The following FRMD6 variants were observed in gnomAD, a reference collection of about 807,000 sequenced individuals.
FRMD6 encodes FERM domain-containing protein 6.
Under a neutral mutation model 73.2 loss-of-function variants are expected in FRMD6, and 37 were observed. That is an observed-to-expected ratio of 0.51 (90% CI 0.39 to 0.66). The LOEUF (loss-of-function observed/expected upper bound fraction) is 0.66, where lower values mean the gene tolerates loss of function less well. FRMD6 is among the 30% of genes least tolerant of loss of function. FRMD6 has a pLI of 0.00. For synonymous variants in FRMD6, 273 were observed against 282.2 expected, an observed-to-expected ratio of 0.97 and a Z score of 0.33; for missense variants, 714 against 780.5, an observed-to-expected ratio of 0.91 and a Z score of 1.02.
chr14:51,578,361 TAAG>T (rs1346509103), intron 2 of FRMD6, among the ~76,000 whole-genome samples: 1 of 152,162 alleles, frequency 6.6e-6, no homozygotes, highest in African/African-American at 2.4e-5. Context: ...TAGAATTACA[TAAG>T]AAGAAATATT....
chr14:51,591,286 A>AAAAC (rs1372239040), intron 2 of FRMD6, among the ~76,000 whole-genome samples: 1 of 150,546 alleles, frequency 6.6e-6, no homozygotes, highest in African/African-American at 2.5e-5. Context: ...AAAACAAAAC[A>AAAAC]AAACAAACAA....
At chr14:51,529,332 C>T (rs1020850822) in intron 1 of FRMD6, among the ~76,000 whole-genome samples, 3 of 152,218 alleles carry the variant, frequency 2.0e-5, no homozygotes, top group African/African-American at 7.2e-5. Context: ...ATGAAAATGC[C>T]TATCTACTTT....
chr14:51,589,661 G>A (rs978365703), intron 2 of FRMD6, among the ~76,000 whole-genome samples: 4 of 151,862 alleles, frequency 2.6e-5, no homozygotes, highest in African/African-American at 4.9e-5. Context: ...ACAGGAAGTA[G>A]CTCTGAGTTC....
intron 1 of FRMD6, among the ~76,000 whole-genome samples, chr14:51,490,272 C>G (rs1035312691): frequency 1.3e-5 from 2 of 152,206 alleles, no homozygotes; most frequent in Admixed American, 1.3e-4. Context: ...GCAATCAGTT[C>G]TCAGAGAAGC....
At chr14:51,495,160 A>G (rs1212707194) in intron 1 of FRMD6, among the ~76,000 whole-genome samples, 1 of 152,192 alleles carries the variant, frequency 6.6e-6, no homozygotes, top group South Asian at 2.1e-4. Flanking sequence ...CAAAGACACA[A>G]TTCAACTAAG....
At chr14:51,643,611 G>A (rs8019441) in intron 2 of FRMD6, 29,589 of 152,072 alleles carry the variant, frequency 0.19, 3,065 homozygotes, top group African/African-American at 0.28. Context: ...GCCAAAAAAC[G>A]GCTAATAAAC....
At chr14:51,533,186 A>G (rs1885689049) in intron 1 of FRMD6, among the ~76,000 whole-genome samples, 1 of 152,204 alleles carries the variant, frequency 6.6e-6, no homozygotes. Flanking sequence ...TGCCAGATGA[A>G]CAAAGCCAAG....
chr14:51,638,465 G>A (rs1236224206), intron 2 of FRMD6, among the ~76,000 whole-genome samples: 3 of 152,060 alleles, frequency 2.0e-5, no homozygotes, highest in Non-Finnish European at 2.9e-5. Flanking sequence ...ACTTACTGCC[G>A]GGCTACTGCT....
intron 2 of FRMD6, among the ~76,000 whole-genome samples, chr14:51,611,541 A>C (rs750362592): frequency 6.6e-5 from 10 of 152,316 alleles, no homozygotes; most frequent in Non-Finnish European, 1.3e-4. Context: ...ATTGAGAATC[A>C]CTGTTTTTTC....
At chr14:51,629,896 A>G in intron 2 of FRMD6, among the ~76,000 whole-genome samples, 1 of 152,156 alleles carries the variant, frequency 6.6e-6, no homozygotes, top group Admixed American at 6.5e-5. Flanking sequence ...ACAAGGAGTC[A>G]ATTCTGATTA....
chr14:51,544,545 AT>A (rs577269307), intron 1 of FRMD6, among the ~76,000 whole-genome samples: 4 of 151,152 alleles, frequency 2.6e-5, no homozygotes, highest in East Asian at 1.9e-4. Flanking sequence ...TTCCTTTGAG[AT>A]TTTTTTTTAC....
chr14:51,470,306 C>A, the FRMD6 span, among the ~76,000 whole-genome samples: 127 of 152,220 alleles, frequency 8.3e-4, no homozygotes, highest in African/African-American at 2.2e-3. Flanking sequence ...ATCACAAGGT[C>A]GAGAGTTCCA....
intron 3 of FRMD6, 65 bp downstream of exon 3, chr14:51,698,297 C>A: frequency 9.2e-7 from 1 of 1,088,830 alleles, no homozygotes; most frequent in Non-Finnish European, 1.4e-6. Context: ...CATCTTATAG[C>A]TATAACTTAA....
At chr14:51,726,262 A>G (rs1897949930) in intron 13 of FRMD6, among the ~76,000 whole-genome samples, 1 of 152,168 alleles carries the variant, frequency 6.6e-6, no homozygotes, top group Non-Finnish European at 1.5e-5. Flanking sequence ...TTCAGATTGA[A>G]TTTTCAAAGT....
the FRMD6 span, among the ~76,000 whole-genome samples, chr14:51,455,831 C>T: frequency 3.9e-5 from 6 of 152,128 alleles, no homozygotes; most frequent in East Asian, 1.9e-4. Context: ...TCTCCATTGC[C>T]GAGGGCAGGC....
chr14:51,430,891 T>C, the FRMD6 span, among the ~76,000 whole-genome samples: 1 of 152,162 alleles, frequency 6.6e-6, no homozygotes, highest in Non-Finnish European at 1.5e-5. Flanking sequence ...AAAGAATCTG[T>C]GGTGTGGCTC....
intron 1 of FRMD6, among the ~76,000 whole-genome samples, chr14:51,564,156 C>T (rs1274797143): frequency 1.3e-5 from 2 of 152,200 alleles, no homozygotes; most frequent in Non-Finnish European, 2.9e-5. Context: ...TGGTCATGTT[C>T]AAGTTTCACA....
At chr14:51,630,627 G>A (rs957590679) in intron 2 of FRMD6, among the ~76,000 whole-genome samples, 2 of 152,066 alleles carry the variant, frequency 1.3e-5, no homozygotes, top group Non-Finnish European at 2.9e-5. Flanking sequence ...TGCGCCTGTA[G>A]TCCCAGCTAC....
intron 1 of FRMD6, among the ~76,000 whole-genome samples, chr14:51,545,930 A>C (rs1396899253): frequency 6.6e-6 from 1 of 152,140 alleles, no homozygotes; most frequent in Non-Finnish European, 1.5e-5. Flanking sequence ...TAGCATTGTG[A>C]TCTTGACAAA....
Sources: gnomAD v4.1 joint callset for allele counts (sites outside exome capture counted in the v4.1 genomes callset) on GRCh38, gnomAD v4.1.1 for gene constraint, MANE v1.5 for transcripts, NCBI Gene and HGNC (gene_info 2026-07-23, HGNC 2026-07-21) for gene names.